PMS1: variants seen among roughly 807,000 people sequenced by gnomAD.
The protein encoded by PMS1 is PMS1 protein homolog 1.
In PMS1, 79 loss-of-function variants were observed where a neutral mutation model predicts 93.1. The ratio of observed to expected loss-of-function variants is 0.85; its 90% CI spans 0.71 to 1.02. PMS1 has a LOEUF of 1.02. PMS1 is among the 50% of genes least tolerant of loss of function. The pLI is 0.00. For synonymous variants in PMS1, 335 were observed against 363.4 expected (o/e 0.92, Z 0.89); for missense variants, 1,064 against 1,085.3 (o/e 0.98, Z 0.28).
intron 9 of PMS1, among the ~76,000 whole-genome samples, chr2:189,862,431 G>T (rs969961576): frequency 2.0e-5 from 3 of 151,876 alleles, no homozygotes; most frequent in African/African-American, 7.3e-5. Flanking sequence ...TTTTTAAGTG[G>T]TTTTTTGGTA....
Position 189,854,770 on chromosome 2 carries a change from A to G in PMS1, c.1498A>G (p.Arg500Gly). The G allele has an allele frequency of 6.2e-7, 1 of 1,613,846 alleles. No homozygotes were observed. Among genetic ancestry groups the G allele is most frequent in the Non-Finnish European group, 8.5e-7 (1 of 1,179,834 alleles). Residue 500 changes from arginine (R) to glycine (G), a missense_variant, in exon 9 of 13, where the codon AGG (arginine) becomes GGG (glycine). By Grantham distance (125) the Arg-to-Gly change is moderately radical. Coordinates refer to ENST00000441310, the MANE Select transcript of PMS1 (RefSeq NM_000534.5). ...GGAAATTTCTGCAGATGAGTGGAGC[A>G]GGGGAAATATACTTAAAAATTCAGT... ...SSEISADEWSRGNILKNSVGE... is the reference protein window; with the variant it reads ...SSEISADEWSGGNILKNSVGE...
intron 11 of PMS1, among the ~76,000 whole-genome samples, chr2:189,870,374 T>C (rs544490814): frequency 6.6e-6 from 1 of 152,328 alleles, no homozygotes; most frequent in South Asian, 2.1e-4. Flanking sequence ...TAGGAATAGC[T>C]TTTTGTCCTG....
chr2:189,834,892 G>T (rs2053254183), intron 5 of PMS1, among the ~76,000 whole-genome samples: 1 of 151,716 alleles, frequency 6.6e-6, no homozygotes, highest in Admixed American at 6.6e-5. Context: ...ACCATAACTG[G>T]CTAATTTTTT....
intron 9 of PMS1, among the ~76,000 whole-genome samples, chr2:189,861,504 C>T (rs1464012919): frequency 1.3e-5 from 2 of 151,594 alleles, no homozygotes; most frequent in Non-Finnish European, 2.9e-5. Context: ...AATCCCAGCA[C>T]TTTGGGAGGC....
intron 2 of PMS1, among the ~76,000 whole-genome samples, chr2:189,795,374 T>C (rs1469879914): frequency 1.3e-5 from 2 of 152,220 alleles, no homozygotes; most frequent in Non-Finnish European, 1.5e-5. Flanking sequence ...CATGTGTTAC[T>C]TTGTCGCTGA....
At chr2:189,791,691 A>G (rs1422362734) in intron 1 of PMS1, 99 bp from the exon 2 acceptor site, 13 of 775,940 alleles carry the variant, frequency 1.7e-5, no homozygotes, top group East Asian at 5.2e-5. Flanking sequence ...AGTAAGTCTC[A>G]GTGAAGATGA....
chr2:189,801,248 A>G (rs2106257743), intron 3 of PMS1, among the ~76,000 whole-genome samples: 1 of 152,362 alleles, frequency 6.6e-6, no homozygotes, highest in East Asian at 1.9e-4. Flanking sequence ...TCAGCAACTG[A>G]CACAAATTTA....
rs1401577354 is a variant in PMS1 at position 189,818,013 on chromosome 2, A to G, written c.419-4A>G. 3.1e-6 allele frequency: 5 copies of G among 1,604,750 alleles called. No homozygotes were observed. The highest frequency in any genetic ancestry group is 1.3e-5 in the African/African-American group (1 of 74,746). On this transcript the variant is annotated splice_polypyrimidine_tract_variant and splice_region_variant and intron_variant, in intron 4 of 12. Coordinates refer to ENST00000441310, the MANE Select transcript of PMS1 (RefSeq NM_000534.5). ...AAATGTGCTTTTCTCTTGTCTGCCA[A>G]CAGGTACAACTGTAACTGCTTTAAG...
chr2:189,821,300 C>CA (rs111756729), intron 5 of PMS1, among the ~76,000 whole-genome samples: 1,537 of 151,094 alleles, frequency 0.01, 20 homozygotes, highest in African/African-American at 0.035. Flanking sequence ...ACTAAAAATA[C>CA]AAAAATGAAC....
At chr2:189,844,722 C>G (rs1380886440) in intron 6 of PMS1, among the ~76,000 whole-genome samples, 1 of 151,124 alleles carries the variant, frequency 6.6e-6, no homozygotes, top group Non-Finnish European at 1.5e-5. Flanking sequence ...CTTGATCTAT[C>G]AGTTTAGATA....
At chr2:189,877,126 A>T (rs533407190) in intron 12 of PMS1, 146 bp from the exon 13 acceptor site, 2 of 686,204 alleles carry the variant, frequency 2.9e-6, no homozygotes, top group South Asian at 4.0e-5. Flanking sequence ...CCGAGAGCTG[A>T]CAACATAGTT....
chr2:189,829,773 T>G (rs2052759234), intron 5 of PMS1, among the ~76,000 whole-genome samples: 1 of 152,236 alleles, frequency 6.6e-6, no homozygotes, highest in Non-Finnish European at 1.5e-5. Context: ...TCTCTCACAC[T>G]CTAATCTGAT....
chr2:189,844,201 T>G, intron 6 of PMS1, 121 bp downstream of exon 6: 1 of 1,512,142 alleles, frequency 6.6e-7, no homozygotes, highest in South Asian at 1.2e-5. Context: ...CAAATATGTG[T>G]GTAAGGTAAA....
At position 189,863,780 on chromosome 2, in the gene PMS1, A is replaced by T. The variant is rs2106508531; in HGVS notation, c.1894A>T (p.Asn632Tyr). ...GGCTACTAAAGACTTGGAACGATAC[A>T]ATAGTCAAATGAAGAGAGCCATTGA... is the stretch of plus-strand genomic sequence containing the variant. ...EKATKDLERYNSQMKRAIEQE... is the reference protein window; with the variant it reads ...EKATKDLERYYSQMKRAIEQE... Residue 632 changes from asparagine (N) to tyrosine (Y), a missense_variant, in exon 10 of 13, where the codon AAT becomes TAT. By Grantham distance (143) the Asn-to-Tyr change is moderately radical (BLOSUM62 -2). Coordinates refer to ENST00000441310, the MANE Select transcript of PMS1 (RefSeq NM_000534.5). 2.5e-6 allele frequency: 4 copies of T among 1,608,152 alleles called. No individual in the cohort carries two copies. Among genetic ancestry groups the T allele is most frequent in the Non-Finnish European group, 3.4e-6 (4 of 1,174,612 alleles).
chr2:189,801,298 A>G (rs2049868488), intron 3 of PMS1, among the ~76,000 whole-genome samples: 1 of 152,242 alleles, frequency 6.6e-6, no homozygotes, highest in Admixed American at 6.5e-5. Context: ...AGCAAGCATA[A>G]CTTCTTGAAA....
chr2:189,855,084 A>G lies in PMS1; in HGVS notation c.1812A>G (p.Gln604=), dbSNP rs1559308505. ...PKTSLEDATL[Q]IEELWKTLSE... ...CTAGTTTAGAGGATGCAACACTACAAATTGAAGAACTGTGGAAGACATTGA... is the reference window on the plus strand; with the variant it reads ...CTAGTTTAGAGGATGCAACACTACAGATTGAAGAACTGTGGAAGACATTGA... Residue 604 remains glutamine (Q), a synonymous_variant, in exon 9 of 13, where the codon CAA becomes CAG. Transcript: ENST00000441310. 6.2e-7 allele frequency: 1 copy of G among 1,613,464 alleles called. No homozygotes were observed. Among genetic ancestry groups the G allele is most frequent in the East Asian group, 2.2e-5 (1 of 44,814 alleles).
chr2:189,828,913 A>G (rs2052680211), intron 5 of PMS1, among the ~76,000 whole-genome samples: 1 of 150,708 alleles, frequency 6.6e-6, no homozygotes, highest in East Asian at 1.9e-4. Flanking sequence ...AAGAGGACGT[A>G]GAAGGATCCT....
At chr2:189,860,535 T>G (rs1361042741) in intron 9 of PMS1, among the ~76,000 whole-genome samples, 1 of 152,172 alleles carries the variant, frequency 6.6e-6, no homozygotes, top group Non-Finnish European at 1.5e-5. Flanking sequence ...AAAATTGTGT[T>G]GTTTACTTTC....
chr2:189,797,223 T>C (rs5742990), intron 3 of PMS1, among the ~76,000 whole-genome samples: 1 of 152,224 alleles, frequency 6.6e-6, no homozygotes. Context: ...GAGATGTGAA[T>C]TGACTTGGTC....
Sources: allele counts gnomAD v4.1 joint callset (sites outside exome capture counted in the v4.1 genomes callset), GRCh38; gene constraint gnomAD v4.1.1; transcripts MANE v1.5; gene names NCBI Gene and HGNC (gene_info 2026-07-23, HGNC 2026-07-21).